The following REV1 variants were observed in gnomAD, a reference collection of about 807,000 sequenced individuals.
The protein encoded by REV1 is REV1 DNA directed polymerase.
REV1 carries 42 observed loss-of-function variants against 137.4 expected under a neutral mutation model. The ratio of observed to expected loss-of-function variants is 0.31; its 90% CI spans 0.24 to 0.40. The LOEUF (loss-of-function observed/expected upper bound fraction) is 0.40. Among genes scored for constraint, REV1 ranks in the 10% least tolerant of loss-of-function variants. The pLI is 1.00. For synonymous variants in REV1, 524 were observed against 519.2 expected (o/e 1.01, Z -0.12); for missense variants, 1,282 against 1,490.1 (o/e 0.86, Z 2.30).
chr2:99,441,405 T>A (rs960637513), intron 5 of REV1, among the ~76,000 whole-genome samples: 3 of 151,886 alleles, frequency 2.0e-5, no homozygotes, highest in Admixed American at 1.3e-4. Context: ...ATATACAAGG[T>A]AAGGCAACCC....
chr2:99,414,993 G>A (rs1212403713), intron 12 of REV1, among the ~76,000 whole-genome samples: 1 of 152,148 alleles, frequency 6.6e-6, no homozygotes, highest in African/African-American at 2.4e-5. Context: ...AATCTAAGTG[G>A]ACATCCCTCT....
intron 1 of REV1, among the ~76,000 whole-genome samples, chr2:99,469,723 T>C (rs540000108): frequency 6.6e-6 from 1 of 152,366 alleles, no homozygotes; most frequent in South Asian, 2.1e-4. Context: ...CCTAATGTTT[T>C]ATCTTTTGCT....
chr2:99,484,681 G>T (rs553576911), intron 1 of REV1, among the ~76,000 whole-genome samples: 1 of 151,704 alleles, frequency 6.6e-6, no homozygotes, highest in African/African-American at 2.4e-5. Context: ...TATAGTAGTA[G>T]TAGTTAAATC....
At chr2:99,459,405 T>A (rs1480651320) in intron 3 of REV1, among the ~76,000 whole-genome samples, 2 of 151,788 alleles carry the variant, frequency 1.3e-5, no homozygotes, top group African/African-American at 2.4e-5. Flanking sequence ...TAAAAAAAAA[T>A]TAATTTAAAA....
chr2:99,481,179 C>T (rs920988479), intron 1 of REV1, among the ~76,000 whole-genome samples: 4 of 152,192 alleles, frequency 2.6e-5, no homozygotes, highest in African/African-American at 7.2e-5. Flanking sequence ...AAATATCTCA[C>T]TTCATAATTT....
At position 99,410,850 on chromosome 2, in the gene REV1, A is replaced by C. The variant is rs1677035413; in HGVS notation, c.2190T>G (p.Ala730=). 6.3e-7 allele frequency: 1 copy of C among 1,589,254 alleles called. No homozygotes were observed. Among genetic ancestry groups the C allele is most frequent in the African/African-American group, 1.4e-5 (1 of 72,904 alleles). Residue 730 remains alanine, a synonymous_variant, in exon 14 of 23, where the codon GCT becomes GCG. Transcript: ENST00000258428. ...IRFTQPKEAE[A]FLLSLSEEIQ... ...TTTCTTCTGAAAGACTCAGAAGAAA[A>C]GCTTCTGCCTCTTTTGGCTATGGAA...
intron 12 of REV1, among the ~76,000 whole-genome samples, chr2:99,413,723 A>G (rs28382940): frequency 9.2e-5 from 14 of 152,332 alleles, no homozygotes; most frequent in East Asian, 3.9e-4. Flanking sequence ...TTTGCCCTAA[A>G]TGCTTTAAAA....
At chr2:99,415,095 T>A (rs1484794770) in intron 12 of REV1, among the ~76,000 whole-genome samples, 1 of 152,086 alleles carries the variant, frequency 6.6e-6, no homozygotes, top group Non-Finnish European at 1.5e-5. Context: ...GGGCATGTGG[T>A]GTACCTCCAA....
chr2:99,444,418 G>C (rs1049358255), intron 4 of REV1, among the ~76,000 whole-genome samples: 3 of 152,304 alleles, frequency 2.0e-5, no homozygotes, highest in Admixed American at 6.5e-5. Flanking sequence ...CAGCATGCTG[G>C]AGTGATGCAG....
At chr2:99,462,981 G>A (rs4476396) in intron 2 of REV1, among the ~76,000 whole-genome samples, 65,297 of 151,588 alleles carry the variant, frequency 0.43, 14,301 homozygotes, top group Admixed American at 0.58. Flanking sequence ...CCAGCTACTC[G>A]GGAGGCTGAG....
At chr2:99,473,239 A>G (rs1482057568) in intron 1 of REV1, among the ~76,000 whole-genome samples, 1 of 151,984 alleles carries the variant, frequency 6.6e-6, no homozygotes, top group Non-Finnish European at 1.5e-5. Flanking sequence ...GTGGTGGCGC[A>G]TGCCTGTAGT....
At chr2:99,423,339 T>G (rs1490490122) in intron 10 of REV1, among the ~76,000 whole-genome samples, 1 of 151,854 alleles carries the variant, frequency 6.6e-6, no homozygotes, top group African/African-American at 2.4e-5. Context: ...TGCCCAGGAG[T>G]TGACAAACCT....
intron 15 of REV1, among the ~76,000 whole-genome samples, chr2:99,407,348 T>C (rs574166697): frequency 2.1e-4 from 32 of 151,748 alleles, no homozygotes; most frequent in South Asian, 6.2e-4. Context: ...GTCAGGAGTT[T>C]GAAACCAGCC....
chr2:99,465,840 C>A (rs866050322), intron 1 of REV1, among the ~76,000 whole-genome samples: 1 of 152,206 alleles, frequency 6.6e-6, no homozygotes, highest in South Asian at 2.1e-4. Context: ...CACGTCAAAT[C>A]AGCTCTGATA....
chr2:99,429,601 C>G (rs892095027), intron 9 of REV1, among the ~76,000 whole-genome samples: 1 of 151,600 alleles, frequency 6.6e-6, no homozygotes, highest in African/African-American at 2.4e-5. Flanking sequence ...TCCCCAATTT[C>G]TTTTGGTTCC....
intron 14 of REV1, among the ~76,000 whole-genome samples, chr2:99,409,370 A>C (rs1012722335): frequency 6.6e-6 from 1 of 152,216 alleles, no homozygotes; most frequent in African/African-American, 2.4e-5. Context: ...GGCATGAGCT[A>C]ATCTTTAATG....
intron 1 of REV1, among the ~76,000 whole-genome samples, chr2:99,468,209 T>C (rs1341931913): frequency 6.6e-6 from 1 of 150,716 alleles, no homozygotes; most frequent in Non-Finnish European, 1.5e-5. Context: ...GAAAGAAAAA[T>C]TAGCCAGGCA....
chr2:99,411,827 A>G (rs17022653), intron 13 of REV1, among the ~76,000 whole-genome samples: 26,918 of 151,940 alleles, frequency 0.18, 2,983 homozygotes, highest in African/African-American at 0.28. Flanking sequence ...AACATCATCT[A>G]TCTCCATGCC....
intron 2 of REV1, among the ~76,000 whole-genome samples, chr2:99,463,917 C>G (rs967454852): frequency 6.6e-6 from 1 of 152,160 alleles, no homozygotes; most frequent in Non-Finnish European, 1.5e-5. Context: ...AGCCACCACG[C>G]CCAACCTCAG....
Sources: allele counts gnomAD v4.1 joint callset (sites outside exome capture counted in the v4.1 genomes callset), GRCh38; gene constraint gnomAD v4.1.1; transcripts MANE v1.5; gene names NCBI Gene and HGNC (gene_info 2026-07-23, HGNC 2026-07-21).